KCNMB2: variants seen among roughly 807,000 people sequenced by gnomAD.
The protein encoded by KCNMB2 is calcium-activated potassium channel subunit beta-2.
Under a neutral mutation model 24.5 loss-of-function variants are expected in KCNMB2, and 9 were observed. That is an observed-to-expected ratio of 0.37 (90% CI 0.22 to 0.64). The LOEUF (loss-of-function observed/expected upper bound fraction) is 0.64, where lower values mean the gene tolerates loss of function less well. Among genes scored for constraint, KCNMB2 ranks in the 30% least tolerant of loss-of-function variants. The probability of loss-of-function intolerance (pLI) is 0.63; values close to 1 mark genes in which losing one functional copy is unlikely to be tolerated. For synonymous variants in KCNMB2, 109 were observed against 104.4 expected, an observed-to-expected ratio of 1.04 and a Z score of -0.27; for missense variants, 226 against 284.3, an observed-to-expected ratio of 0.79 and a Z score of 1.47.
chr3:178,643,256 T>C (rs1332171628), intron 1 of KCNMB2, among the ~76,000 whole-genome samples: 2 of 152,072 alleles, frequency 1.3e-5, no homozygotes, highest in Non-Finnish European at 1.5e-5. Flanking sequence ...TTAGGGATCA[T>C]AGTGGAAGGG....
At chr3:178,639,414 C>T (rs1719643144) in intron 1 of KCNMB2, among the ~76,000 whole-genome samples, 1 of 152,144 alleles carries the variant, frequency 6.6e-6, no homozygotes, top group East Asian at 1.9e-4. Context: ...TGTCCATTGG[C>T]TGTGGAGTTA....
intron 1 of KCNMB2, among the ~76,000 whole-genome samples, chr3:178,638,903 A>G (rs1719624689): frequency 6.6e-6 from 1 of 152,152 alleles, no homozygotes; most frequent in East Asian, 1.9e-4. Context: ...TAAATTGTTA[A>G]ATAGATTTTT....
At chr3:178,703,515 C>CA (rs1474516036) in intron 1 of KCNMB2, among the ~76,000 whole-genome samples, 28 of 133,642 alleles carry the variant, frequency 2.1e-4, no homozygotes, top group Non-Finnish European at 3.6e-4. Flanking sequence ...ACCCACCCCC[C>CA]CAAAAAAAGT....
chr3:178,619,897 C>A (rs1718847893), intron 1 of KCNMB2, among the ~76,000 whole-genome samples: 1 of 152,138 alleles, frequency 6.6e-6, no homozygotes, highest in South Asian at 2.1e-4. Context: ...CCCCTATACA[C>A]TCCATCTTTC....
chr3:178,568,734 T>C (rs545331135), intron 1 of KCNMB2, among the ~76,000 whole-genome samples: 1 of 151,752 alleles, frequency 6.6e-6, no homozygotes, highest in Non-Finnish European at 1.5e-5. Flanking sequence ...TGTAGAGAAA[T>C]CTTTAAGATG....
intron 1 of KCNMB2, among the ~76,000 whole-genome samples, chr3:178,684,947 A>G (rs568194655): frequency 5.1e-4 from 77 of 152,242 alleles, no homozygotes; most frequent in Non-Finnish European, 1.1e-3. Context: ...AATTTATTTT[A>G]AAAGCACGCA....
At chr3:178,815,453 G>T (rs1714367388) in intron 2 of KCNMB2, among the ~76,000 whole-genome samples, 1 of 151,980 alleles carries the variant, frequency 6.6e-6, no homozygotes, top group Admixed American at 6.6e-5. Flanking sequence ...TTTATCTATA[G>T]ATTCTTTTGT....
chr3:178,839,685 AG>A (rs1715357876), intron 4 of KCNMB2, among the ~76,000 whole-genome samples: 1 of 152,106 alleles, frequency 6.6e-6, no homozygotes, highest in East Asian at 1.9e-4. Flanking sequence ...CATGAGGGCC[AG>A]GGGGCTGCCA....
intron 1 of KCNMB2, among the ~76,000 whole-genome samples, chr3:178,761,943 G>A (rs984959450): frequency 3.9e-5 from 6 of 152,062 alleles, no homozygotes; most frequent in African/African-American, 1.2e-4. Context: ...AGGCCGAGGC[G>A]GGCGGATCAC....
chr3:178,627,695 A>G (rs1192143883), intron 1 of KCNMB2, among the ~76,000 whole-genome samples: 3 of 152,214 alleles, frequency 2.0e-5, no homozygotes, highest in East Asian at 1.9e-4. Context: ...GCTGCTAATC[A>G]TGCTGCTCTA....
At chr3:178,567,696 A>G (rs1716577178) in intron 1 of KCNMB2, among the ~76,000 whole-genome samples, 1 of 152,186 alleles carries the variant, frequency 6.6e-6, no homozygotes, top group Non-Finnish European at 1.5e-5. Flanking sequence ...CAGGACAAAT[A>G]GTTTAGACTA....
chr3:178,605,575 A>G (rs1391753619), intron 1 of KCNMB2, among the ~76,000 whole-genome samples: 4 of 152,228 alleles, frequency 2.6e-5, no homozygotes, highest in Non-Finnish European at 5.9e-5. Flanking sequence ...CAGAAAGAAA[A>G]GCAGCATAGA....
At chr3:178,649,188 T>G (rs535910814) in intron 1 of KCNMB2, among the ~76,000 whole-genome samples, 14 of 152,314 alleles carry the variant, frequency 9.2e-5, no homozygotes, top group Admixed American at 5.9e-4. Flanking sequence ...TCTCTTTCAT[T>G]GAATATAATT....
chr3:178,782,574 C>A (rs1577183949), intron 1 of KCNMB2, among the ~76,000 whole-genome samples: 1 of 146,596 alleles, frequency 6.8e-6, no homozygotes, highest in Non-Finnish European at 1.5e-5. Flanking sequence ...TGTTTTTTGG[C>A]TGCATAAATG....
intron 1 of KCNMB2, among the ~76,000 whole-genome samples, chr3:178,704,891 C>T (rs1577112069): frequency 6.6e-6 from 1 of 152,100 alleles, no homozygotes; most frequent in South Asian, 2.1e-4. Context: ...ATCTTCAGTT[C>T]CTGACTCCTA....
intron 1 of KCNMB2, among the ~76,000 whole-genome samples, chr3:178,694,720 G>A (rs1405067248): frequency 6.6e-6 from 1 of 152,210 alleles, no homozygotes; most frequent in Non-Finnish European, 1.5e-5. Flanking sequence ...TCCATGTAAT[G>A]CTGATTCAAG....
chr3:178,679,180 A>T (rs1721182422), intron 1 of KCNMB2, among the ~76,000 whole-genome samples: 1 of 152,162 alleles, frequency 6.6e-6, no homozygotes, highest in Non-Finnish European at 1.5e-5. Flanking sequence ...ACACTACATT[A>T]ACATTAATCA....
At chr3:178,556,805 G>A (rs768614265) in intron 1 of KCNMB2, among the ~76,000 whole-genome samples, 2 of 152,106 alleles carry the variant, frequency 1.3e-5, no homozygotes, top group African/African-American at 2.4e-5. Flanking sequence ...AGTGGCAAGG[G>A]TGATTGGGAA....
intron 1 of KCNMB2, among the ~76,000 whole-genome samples, chr3:178,803,163 T>G (rs12696465): frequency 0.18 from 27,429 of 152,142 alleles, 2,823 homozygotes; most frequent in African/African-American, 0.28. Context: ...CTCAGAGACG[T>G]TAAATTGACT....
Sources: allele counts gnomAD v4.1 joint callset (sites outside exome capture counted in the v4.1 genomes callset), GRCh38; gene constraint gnomAD v4.1.1; transcripts MANE v1.5; gene names NCBI Gene and HGNC (gene_info 2026-07-23, HGNC 2026-07-21).